ADCY5: variants seen among roughly 807,000 people sequenced by gnomAD.
ADCY5 encodes the protein adenylate cyclase type 5.
A neutral mutation model predicts 119.7 loss-of-function variants in ADCY5; 30 were observed. That is an observed-to-expected ratio of 0.25 (90% CI 0.19 to 0.34). ADCY5 has a LOEUF of 0.34. ADCY5 is among the 10% of genes least tolerant of loss of function. ADCY5 has a pLI of 1.00. For synonymous variants in ADCY5, 753 were observed against 762.2 expected, an observed-to-expected ratio of 0.99 and a Z score of 0.20; for missense variants, 1,324 against 1,775.2, an observed-to-expected ratio of 0.75 and a Z score of 4.57.
chr3:123,304,196 C>G lies in ADCY5; in HGVS notation c.2443-13G>C. ...GGGAGGGGAAGAGCTAGGGTGGGGG[C>G]AGGGGTGGAGAGGGAGGGAGGGAGA... On this transcript the variant is annotated splice_polypyrimidine_tract_variant and intron_variant, in intron 12 of 20. Transcript: ENST00000462833. 1 of 1,035,026 alleles carries G rather than the reference C, an allele frequency of 9.7e-7. No homozygotes were observed. Among genetic ancestry groups the G allele is most frequent in the South Asian group, 1.5e-5 (1 of 66,338 alleles). 64.1% of individuals were successfully genotyped at this position (1,035,026 alleles called of 1,614,324 possible). A position where few individuals can be genotyped will look rare whatever the true frequency, so the allele number is the denominator to read the frequency against.
intron 1 of ADCY5, among the ~76,000 whole-genome samples, chr3:123,369,401 G>T (rs1357112914): frequency 5.3e-5 from 8 of 152,196 alleles, no homozygotes; most frequent in African/African-American, 1.7e-4. Context: ...CTGCAGGAAT[G>T]CCCAGGCCCA....
chr3:123,376,839 C>T (rs1239290963), intron 1 of ADCY5, among the ~76,000 whole-genome samples: 1 of 152,186 alleles, frequency 6.6e-6, no homozygotes, highest in Non-Finnish European at 1.5e-5. Flanking sequence ...GTCCCAAAGC[C>T]TAATTTTAGA....
rs1433240021 is a variant in ADCY5 at position 123,349,853 on chromosome 3, C to T, written c.1285-1950G>A. On this transcript the variant is annotated intron_variant, in intron 2 of 20. Coordinates refer to ENST00000462833, the MANE Select transcript of ADCY5 (RefSeq NM_183357.3). ...GTCTCCAAGCTTGCTGCCTCTGGTC[C>T]ATCCTTCCCACTGCAAGCAAGCAAC... Among the ~76,000 whole-genome samples, 13 of 152,296 alleles carry T rather than the reference C, an allele frequency of 8.5e-5. No individual in the cohort carries two copies. The South Asian group carries it at 2.7e-3, about 32-fold the overall frequency.
At chr3:123,440,314 C>G (rs1026550157) in intron 1 of ADCY5, among the ~76,000 whole-genome samples, 5 of 152,158 alleles carry the variant, frequency 3.3e-5, no homozygotes, top group African/African-American at 1.2e-4. Context: ...GGTCAGGAGG[C>G]CACAAGCCCA....
intron 1 of ADCY5, chr3:123,367,807 A>G: frequency 1.4e-6 from 2 of 1,472,196 alleles, no homozygotes; most frequent in Non-Finnish European, 1.8e-6. Context: ...CCCTCTTTCC[A>G]TTCCTCACCT....
intron 13 of ADCY5, among the ~76,000 whole-genome samples, chr3:123,303,629 G>T (rs755761037): frequency 1.3e-5 from 2 of 152,202 alleles, no homozygotes; most frequent in Non-Finnish European, 2.9e-5. Context: ...CTGGCGACCA[G>T]CCTGGCAACA....
At chr3:123,434,881 C>A (rs1945581138) in intron 1 of ADCY5, among the ~76,000 whole-genome samples, 1 of 152,174 alleles carries the variant, frequency 6.6e-6, no homozygotes, top group Non-Finnish European at 1.5e-5. Context: ...CACAGGGACC[C>A]TCAAAAGGAC....
rs757346897 is a variant in ADCY5, at chr3:123,352,635, A to G, written c.1135-54T>C. On this transcript the variant is annotated intron_variant, in intron 1 of 20. Coordinates refer to ENST00000462833, the MANE Select transcript of ADCY5 (RefSeq NM_183357.3). This position sits in a 1 kb window ranked among gnomAD's most constrained non-coding sequence, Gnocchi z 4.8. ...CTCAGATCCTGACCTTCCTGGCCCCAAAGCATGAAGCCCTCAGCCCCTGTC... is the reference window on the plus strand; with the variant it reads ...CTCAGATCCTGACCTTCCTGGCCCCGAAGCATGAAGCCCTCAGCCCCTGTC... The G allele has an allele frequency of 2.4e-5, 37 of 1,551,490 alleles. No homozygotes were observed. Among genetic ancestry groups the G allele is most frequent in the Non-Finnish European group, 3.2e-5 (37 of 1,142,374 alleles).
intron 1 of ADCY5, among the ~76,000 whole-genome samples, chr3:123,444,027 G>A (rs1405600265): frequency 6.6e-6 from 1 of 152,192 alleles, no homozygotes; most frequent in East Asian, 1.9e-4. Flanking sequence ...ATAGTTGTGT[G>A]AGCATGCTTG....
At chr3:123,385,336 G>A (rs910841241) in intron 1 of ADCY5, among the ~76,000 whole-genome samples, 6 of 151,522 alleles carry the variant, frequency 4.0e-5, no homozygotes, top group Non-Finnish European at 7.4e-5. Context: ...GCTGTAGTCT[G>A]TGTGTGGCTG....
chr3:123,303,039 C>G lies in ADCY5; in HGVS notation c.2724+16G>C. 2 of 1,612,872 alleles carry G rather than the reference C, an allele frequency of 1.2e-6. No individual in the cohort carries two copies. Among genetic ancestry groups the G allele is most frequent in the Non-Finnish European group, 1.7e-6 (2 of 1,179,740 alleles). ...GACTCTTCAGCACTCCCTTCCAGCC[C>G]CTGTGCACCCAGTACCTCGGGGAAG... On this transcript the variant is annotated intron_variant, in intron 14 of 20. Transcript: ENST00000462833.
chr3:123,337,247 C>T (rs1313620362), intron 3 of ADCY5, among the ~76,000 whole-genome samples: 2 of 152,190 alleles, frequency 1.3e-5, no homozygotes, highest in African/African-American at 4.8e-5. Context: ...ACTTGATTCA[C>T]GGCTACGACC....
Position 123,328,798 on chromosome 3 carries a change from C to A in ADCY5, c.1651G>T (p.Val551Phe). Residue 551 changes from valine to phenylalanine, a missense_variant, in exon 6 of 21, where the codon GTC becomes TTC. Val to Phe is a conservative substitution (Grantham distance 50). Transcript: ENST00000462833. Reference protein sequence around the residue: ...GMDMIEAISLVREVTGVNVNM... With the variant: ...GMDMIEAISLFREVTGVNVNM... ...ACGTTCACCCCTGTCACCTCCCGGA[C>A]CAACCTGGGGATGGAGCAGGAGTAA... is the stretch of plus-strand genomic sequence containing the variant. The A allele has an allele frequency of 1.2e-6, 2 of 1,614,108 alleles. No homozygotes were observed. Among genetic ancestry groups the A allele is most frequent in the Non-Finnish European group, 1.7e-6 (2 of 1,179,976 alleles).
chr3:123,327,185 G>C (rs1383044988), intron 7 of ADCY5, among the ~76,000 whole-genome samples: 1 of 152,176 alleles, frequency 6.6e-6, no homozygotes, highest in Non-Finnish European at 1.5e-5. Context: ...AGGGAAAGGG[G>C]AAAATAGGTT....
At chr3:123,413,879 G>A (rs768330067) in intron 1 of ADCY5, among the ~76,000 whole-genome samples, 27 of 152,328 alleles carry the variant, frequency 1.8e-4, no homozygotes, top group Middle Eastern at 3.4e-3. Context: ...GCTGCAGAAC[G>A]GACAGAGTGA....
chr3:123,331,095 T>G (rs1452739274), intron 4 of ADCY5, 79 bp from the exon 5 acceptor site: 2 of 1,465,888 alleles, frequency 1.4e-6, no homozygotes, highest in African/African-American at 1.4e-5. Context: ...AGCAAAAAGA[T>G]TCACCCCGTG....
intron 17 of ADCY5, among the ~76,000 whole-genome samples, chr3:123,294,215 C>T (rs538064702): frequency 1.3e-5 from 2 of 152,280 alleles, no homozygotes; most frequent in African/African-American, 4.8e-5. Flanking sequence ...GAATGCCAAC[C>T]AGCAAGTCCA....
rs140572299 is a variant in ADCY5 at position 123,352,542 on chromosome 3, C to G, written c.1174G>C (p.Val392Leu). 3 of 1,613,670 alleles carry G rather than the reference C, an allele frequency of 1.9e-6. No individual in the cohort carries two copies. Among genetic ancestry groups the G allele is most frequent in the Non-Finnish European group, 2.5e-6 (3 of 1,179,766 alleles). ...GCCGGATAGTGGGTGCAGACACCCA[C>G]GATGTTGGTGCAGGAGAAAATGAGA... Reference protein sequence around the residue: ...NVLIFSCTNIVGVCTHYPAEV... With the variant: ...NVLIFSCTNILGVCTHYPAEV... Residue 392 changes from valine (V) to leucine (L), a missense_variant, in exon 2 of 21, where the codon GTG becomes CTG. This residue lies in a region of ADCY5 where 123 missense variants were observed against 287.9 expected (regional missense o/e 0.43). Coordinates refer to ENST00000462833, the MANE Select transcript of ADCY5 (RefSeq NM_183357.3). The surrounding 1 kb of genome is among the most constrained non-coding windows in gnomAD (Gnocchi z 4.8).
At chr3:123,418,988 CCA>C (rs1426494543) in intron 1 of ADCY5, 2 of 261,108 alleles carry the variant, frequency 7.7e-6, no homozygotes, top group African/African-American at 4.6e-5. Flanking sequence ...TGGACTGAAA[CCA>C]CGTCACTGGC....
Sources: allele counts gnomAD v4.1 joint callset (sites outside exome capture counted in the v4.1 genomes callset), GRCh38; gene constraint gnomAD v4.1.1; regional missense constraint gnomAD v4.1.1; non-coding constraint Gnocchi (gnomAD v3.1); transcripts MANE v1.5; gene names NCBI Gene and HGNC (gene_info 2026-07-23, HGNC 2026-07-21).